Variants in ATP11B observed in about 807,000 individuals in gnomAD.
The protein encoded by ATP11B is ATPase phospholipid transporting 11B (putative).
Under a neutral mutation model 157.8 loss-of-function variants are expected in ATP11B, and 81 were observed. The ratio of observed to expected loss-of-function variants is 0.51; its 90% confidence interval spans 0.43 to 0.62. The LOEUF is 0.62. ATP11B is among the 20% of genes least tolerant of loss of function. The pLI, the probability that ATP11B is intolerant of heterozygous loss-of-function variation, is 0.00. For missense variants in ATP11B, 1,165 were observed against 1,402.2 expected, an observed-to-expected ratio of 0.83 and a Z score of 2.70; for synonymous variants, 451 against 469.4, an observed-to-expected ratio of 0.96 and a Z score of 0.51.
At chr3:182,813,528 C>A (rs995506958) in intron 1 of ATP11B, among the ~76,000 whole-genome samples, 1 of 152,024 alleles carries the variant, frequency 6.6e-6, no homozygotes, top group African/African-American at 2.4e-5. Context: ...GGATCCCCAC[C>A]AACTGTAAAA....
intron 1 of ATP11B, among the ~76,000 whole-genome samples, chr3:182,798,546 A>G (rs1321621200): frequency 1.3e-5 from 2 of 152,190 alleles, no homozygotes; most frequent in African/African-American, 4.8e-5. Context: ...GCAGTTTTGC[A>G]TTTGGTTAGG....
intron 4 of ATP11B, among the ~76,000 whole-genome samples, chr3:182,831,458 A>G (rs954629853): frequency 6.6e-6 from 1 of 152,110 alleles, no homozygotes; most frequent in African/African-American, 2.4e-5. Context: ...CCTCCCACTT[A>G]AAGCTACTGA....
chr3:182,802,111 A>G (rs578125733), intron 1 of ATP11B, among the ~76,000 whole-genome samples: 3 of 152,324 alleles, frequency 2.0e-5, no homozygotes, highest in South Asian at 2.1e-4. Context: ...ACATGAATAC[A>G]TCTAAGTGTT....
chr3:182,859,395 G>T, intron 12 of ATP11B, 36 bp downstream of exon 12: 1 of 1,497,132 alleles, frequency 6.7e-7, no homozygotes. Context: ...TCTCTAATTT[G>T]TTATTTTTAT....
chr3:182,838,384 A>G (rs1718724666), intron 7 of ATP11B, among the ~76,000 whole-genome samples: 1 of 152,008 alleles, frequency 6.6e-6, no homozygotes, highest in South Asian at 2.1e-4. Context: ...CATAAGATTA[A>G]TATGAGATGA....
chr3:182,823,227 C>T (rs1717483385), intron 2 of ATP11B, among the ~76,000 whole-genome samples: 1 of 152,188 alleles, frequency 6.6e-6, no homozygotes, highest in Admixed American at 6.5e-5. Flanking sequence ...AGGTTTTCTT[C>T]TAGGGTTTTT....
intron 28 of ATP11B, among the ~76,000 whole-genome samples, chr3:182,900,553 C>T (rs1268238843): frequency 6.6e-6 from 1 of 151,852 alleles, no homozygotes; most frequent in African/African-American, 2.4e-5. Context: ...CAATATATTA[C>T]TTAAATATAT....
At chr3:182,835,944 C>A in intron 4 of ATP11B, 91 bp from the exon 5 acceptor site, 1 of 907,932 alleles carries the variant, frequency 1.1e-6, no homozygotes, top group South Asian at 1.7e-5. Context: ...ATGTAGTGTT[C>A]CAGGGAAGTT....
chr3:182,857,019 A>G (rs917697129), intron 10 of ATP11B, among the ~76,000 whole-genome samples: 26 of 152,244 alleles, frequency 1.7e-4, no homozygotes, highest in Admixed American at 1.4e-3. Context: ...TACCTAATAA[A>G]GAGAAGAGGG....
chr3:182,889,414 A>T lies in ATP11B; in HGVS notation c.2848A>T (p.Ile950Phe), dbSNP rs151186289. The T allele has an allele frequency of 3.2e-6, 5 of 1,562,580 alleles. No individual in the cohort carries two copies. Among genetic ancestry groups the T allele is most frequent in the Non-Finnish European group, 4.3e-6 (5 of 1,157,208 alleles). Residue 950 changes from isoleucine to phenylalanine, a missense_variant, in exon 25 of 30, where the codon ATT (isoleucine) becomes TTT (phenylalanine). Ile to Phe is a conservative substitution (Grantham distance 21). Transcript: ENST00000323116. The stretch of plus-strand genomic sequence containing the variant: ...TTTTTCTCTTCTTTTTAACAGAGAC[A>T]TTAGTAAAAACCGCCTCTTAAGTAT... ...LQNKPTLYRD[I>F]SKNRLLSIKT... is the part of the protein sequence containing the mutation.
rs935249324 is a variant in ATP11B, at chr3:182,874,476, A to G, written c.2252+461A>G. 2.0e-5 allele frequency among the ~76,000 whole-genome samples: 3 copies of G among 151,526 alleles called. No individual in the cohort carries two copies. In the East Asian group the frequency reaches 5.8e-4, roughly 29 times the overall value. On this transcript the variant is annotated intron_variant, in intron 19 of 29. Transcript: ENST00000323116. ...AGTATATGGCCATCATGTCAAAACA[A>G]GAAAAGAAAAGTGGACTTTTAACAT...
Position 182,913,921 on chromosome 3 carries a change from G to C in ATP11B, c.3379G>C (p.Glu1127Gln). The C allele has an allele frequency of 6.2e-7, 1 of 1,614,180 alleles. No individual in the cohort carries two copies. The highest frequency in any genetic ancestry group is 2.2e-5 in the East Asian group (1 of 44,888). Reference sequence around the variant, plus strand: ...CTCCATGTGCTGTTTCCCGGAAGGAGAAGCAGCGTGTGCATCTGTTGGAAG... The same window carrying C: ...CTCCATGTGCTGTTTCCCGGAAGGACAAGCAGCGTGTGCATCTGTTGGAAG... ...LDSMCCFPEGEAACASVGRML... is the reference protein window; with the variant it reads ...LDSMCCFPEGQAACASVGRML... Residue 1127 changes from glutamate (E) to glutamine (Q), a missense_variant, in exon 29 of 30, where the codon GAA (glutamate) becomes CAA (glutamine). Around this residue, in one of 4 missense-constraint regions of ATP11B, gnomAD observed 303 missense variants for 296.3 expected, o/e 1.02. Coordinates refer to ENST00000323116, the MANE Select transcript of ATP11B (RefSeq NM_014616.3).
chr3:182,875,407 C>T (rs1247325001), intron 19 of ATP11B, among the ~76,000 whole-genome samples: 1 of 151,242 alleles, frequency 6.6e-6, no homozygotes, highest in Non-Finnish European at 1.5e-5. Context: ...AAAGACCATG[C>T]AGGGGATTTT....
At chr3:182,842,054 G>A in intron 7 of ATP11B, 21 bp from the exon 8 acceptor site, 1 of 1,535,576 alleles carries the variant, frequency 6.5e-7, no homozygotes, top group South Asian at 1.1e-5. Flanking sequence ...ATATGTTTTT[G>A]TAATGTGAAT....
chr3:182,865,376 C>T (rs747506259), intron 12 of ATP11B, 80 bp from the exon 13 acceptor site: 4 of 1,423,276 alleles, frequency 2.8e-6, no homozygotes, highest in Non-Finnish European at 3.8e-6. Context: ...TTCAGGAGAG[C>T]GAGGACAGAG....
intron 17 of ATP11B, among the ~76,000 whole-genome samples, 173 bp from the exon 18 acceptor site, chr3:182,872,183 A>G (rs1172253981): frequency 1.3e-5 from 2 of 152,244 alleles, no homozygotes; most frequent in African/African-American, 4.8e-5. Flanking sequence ...AACTCAGATC[A>G]GTAGAGCTTT....
At chr3:182,835,972 A>T in intron 4 of ATP11B, 63 bp from the exon 5 acceptor site, 3 of 1,390,882 alleles carry the variant, frequency 2.2e-6, no homozygotes, top group African/African-American at 1.5e-5. Context: ...TTTTTTTCTT[A>T]TTTGATAAAA....
intron 8 of ATP11B, chr3:182,844,247 T>G (rs1381215557): frequency 6.6e-6 from 1 of 152,208 alleles, no homozygotes; most frequent in African/African-American, 2.4e-5. Context: ...ATTTTATAGC[T>G]CCTAAAATAG....
chr3:182,816,013 G>T (rs1283128432), intron 1 of ATP11B, among the ~76,000 whole-genome samples: 1 of 151,912 alleles, frequency 6.6e-6, no homozygotes, highest in African/African-American at 2.4e-5. Flanking sequence ...GAGGAGTCCC[G>T]TTCAAATCAA....
Sources: gnomAD v4.1 joint callset for allele counts (sites outside exome capture counted in the v4.1 genomes callset) on GRCh38, gnomAD v4.1.1 for gene constraint, gnomAD v4.1.1 regional missense constraint, MANE v1.5 for transcripts, NCBI Gene and HGNC (gene_info 2026-07-23, HGNC 2026-07-21) for gene names.